MAPRE2: variants seen among roughly 807,000 people sequenced by gnomAD.
MAPRE2 encodes the protein microtubule-associated protein RP/EB family member 2.
MAPRE2 carries 13 observed loss-of-function variants against 43.2 expected under a neutral mutation model. That is an observed-to-expected ratio of 0.30 (90% CI 0.20 to 0.48). The LOEUF is 0.48. Among genes scored for constraint, MAPRE2 ranks in the 20% least tolerant of loss-of-function variants. The pLI, the probability that MAPRE2 is intolerant of heterozygous loss-of-function variation, is 0.99. For synonymous variants in MAPRE2, 135 were observed against 148.8 expected (o/e 0.91, Z 0.68); for missense variants, 161 against 400.2 (o/e 0.40, Z 5.10).
intron 2 of MAPRE2, among the ~76,000 whole-genome samples, chr18:35,027,802 G>A (rs2097046035): frequency 6.6e-6 from 1 of 152,170 alleles, no homozygotes; most frequent in Non-Finnish European, 1.5e-5. Context: ...GGTTAGGTGG[G>A]TCCTTTCTAA....
chr18:35,054,272 G>A (rs1906104253), intron 1 of MAPRE2, among the ~76,000 whole-genome samples: 1 of 152,174 alleles, frequency 6.6e-6, no homozygotes, highest in South Asian at 2.1e-4. Flanking sequence ...AGAAGATGAG[G>A]ATCCTTGGCT....
At chr18:35,099,988 G>GTA (rs1214061322) in intron 3 of MAPRE2, among the ~76,000 whole-genome samples, 1 of 152,158 alleles carries the variant, frequency 6.6e-6, no homozygotes, top group African/African-American at 2.4e-5. Context: ...TCAATGATGT[G>GTA]TAGCTCCCAC....
upstream of MAPRE2, among the ~76,000 whole-genome samples, chr18:35,040,692 A>G (rs1414073177): frequency 6.6e-6 from 1 of 152,256 alleles, no homozygotes; most frequent in East Asian, 1.9e-4. Context: ...ATCAGGAGGC[A>G]GCATAAAGAA....
At chr18:34,987,110 GA>G (rs2097021401) in intron 1 of MAPRE2, among the ~76,000 whole-genome samples, 1 of 152,112 alleles carries the variant, frequency 6.6e-6, no homozygotes, top group African/African-American at 2.4e-5. Context: ...ACAAGAACTA[GA>G]AAATTAGCAA....
At chr18:35,025,486 T>G (rs1462114123) in intron 2 of MAPRE2, among the ~76,000 whole-genome samples, 1 of 152,228 alleles carries the variant, frequency 6.6e-6, no homozygotes, top group African/African-American at 2.4e-5. Flanking sequence ...ACATTGTGAT[T>G]CTGACTTTAA....
intron 4 of MAPRE2, among the ~76,000 whole-genome samples, chr18:35,108,623 G>A (rs750068823): frequency 1.3e-5 from 2 of 151,822 alleles, no homozygotes; most frequent in Non-Finnish European, 2.9e-5. Context: ...CCACAGCCTC[G>A]CCAGCATCTA....
chr18:35,018,838 T>G (rs1483418457), intron 2 of MAPRE2, among the ~76,000 whole-genome samples: 1 of 152,032 alleles, frequency 6.6e-6, no homozygotes, highest in Non-Finnish European at 1.5e-5. Flanking sequence ...TGCTAGATTT[T>G]AATTTATTTA....
chr18:35,035,471 C>T (rs1024862604), intron 2 of MAPRE2, among the ~76,000 whole-genome samples: 12 of 151,738 alleles, frequency 7.9e-5, no homozygotes, highest in African/African-American at 2.4e-4. Context: ...ATGTAACTAA[C>T]CTGCACATTG....
intron 4 of MAPRE2, among the ~76,000 whole-genome samples, chr18:35,121,225 A>T (rs1909651498): frequency 2.0e-5 from 3 of 152,200 alleles, no homozygotes; most frequent in Admixed American, 1.3e-4. Flanking sequence ...GTTTTCCATA[A>T]ACATTAAGCA....
chr18:34,993,106 T>C (rs892000303), intron 1 of MAPRE2, among the ~76,000 whole-genome samples: 1 of 152,150 alleles, frequency 6.6e-6, no homozygotes, highest in Admixed American at 6.6e-5. Context: ...CTGATTTATT[T>C]ATAAATGAAT....
intron 2 of MAPRE2, among the ~76,000 whole-genome samples, chr18:35,034,084 G>C (rs2097049223): frequency 6.6e-6 from 1 of 152,114 alleles, no homozygotes; most frequent in Non-Finnish European, 1.5e-5. Flanking sequence ...AACAAAGCTG[G>C]AGGCATCATG....
At chr18:35,107,175 T>C (rs1908949662) in intron 4 of MAPRE2, among the ~76,000 whole-genome samples, 1 of 152,164 alleles carries the variant, frequency 6.6e-6, no homozygotes, top group Non-Finnish European at 1.5e-5. Flanking sequence ...GACTTCAGTG[T>C]TTTAGCCTTA....
intron 4 of MAPRE2, among the ~76,000 whole-genome samples, chr18:35,121,248 T>C (rs1372044353): frequency 6.6e-6 from 1 of 152,222 alleles, no homozygotes; most frequent in Non-Finnish European, 1.5e-5. Context: ...CTACTAGTTA[T>C]TGACATTAGA....
At chr18:35,121,831 G>C (rs1376603974) in intron 4 of MAPRE2, among the ~76,000 whole-genome samples, 1 of 152,230 alleles carries the variant, frequency 6.6e-6, no homozygotes, top group African/African-American at 2.4e-5. Context: ...ACCAGGATTG[G>C]ATGCTGTCAG....
intron 1 of MAPRE2, among the ~76,000 whole-genome samples, chr18:35,054,905 C>T (rs1906138557): frequency 1.3e-5 from 2 of 151,898 alleles, no homozygotes; most frequent in Non-Finnish European, 2.9e-5. Context: ...GTTCTATTGG[C>T]TTGAAATAAT....
intron 1 of MAPRE2, among the ~76,000 whole-genome samples, chr18:35,053,430 A>G (rs1040345616): frequency 6.6e-6 from 1 of 152,080 alleles, no homozygotes; most frequent in Non-Finnish European, 1.5e-5. Flanking sequence ...ACAGTATTTA[A>G]TATGTAAATA....
intron 1 of MAPRE2, among the ~76,000 whole-genome samples, chr18:34,993,971 A>G (rs2097025108): frequency 6.6e-6 from 1 of 151,358 alleles, no homozygotes; most frequent in South Asian, 2.1e-4. Context: ...TTTATAGAGG[A>G]AAAACTGAGG....
intron 1 of MAPRE2, among the ~76,000 whole-genome samples, chr18:35,068,490 A>C (rs1405698498): frequency 6.6e-6 from 1 of 152,198 alleles, no homozygotes; most frequent in African/African-American, 2.4e-5. Context: ...GAAACATATC[A>C]AATATGTTTA....
chr18:35,005,368 AT>A, intron 1 of MAPRE2: 1 of 540,382 alleles, frequency 1.9e-6, no homozygotes, highest in Non-Finnish European at 3.3e-6. Context: ...TTTGGCGTGT[AT>A]TTTTTCTTTA....
Sources: allele counts gnomAD v4.1 joint callset (sites outside exome capture counted in the v4.1 genomes callset), GRCh38; gene constraint gnomAD v4.1.1; transcripts MANE v1.5; gene names NCBI Gene and HGNC (gene_info 2026-07-23, HGNC 2026-07-21).